Variants in ARHGAP39 observed in about 807,000 individuals in gnomAD.
The protein encoded by ARHGAP39 is Rho GTPase activating protein 39, also known as rho GTPase-activating protein 39.
A neutral mutation model predicts 106.9 loss-of-function variants in ARHGAP39; 44 were observed. The ratio of observed to expected loss-of-function variants is 0.41; its 90% CI spans 0.32 to 0.53. The LOEUF (loss-of-function observed/expected upper bound fraction) is 0.53, where lower values mean the gene tolerates loss of function less well. Among genes scored for constraint, ARHGAP39 ranks in the 20% least tolerant of loss-of-function variants. The pLI is 0.21. For missense variants in ARHGAP39, 1,496 were observed against 1,577.3 expected (o/e 0.95, Z 0.87); for synonymous variants, 768 against 693.2 (o/e 1.11, Z -1.69).
intron 1 of ARHGAP39, among the ~76,000 whole-genome samples, chr8:144,668,200 G>A (rs915286947): frequency 2.0e-5 from 3 of 152,166 alleles, no homozygotes; most frequent in Admixed American, 6.6e-5. Context: ...CCAGCACTTC[G>A]GGAGGCCAAG....
At chr8:144,554,143 C>T (rs527895488) in intron 4 of ARHGAP39, among the ~76,000 whole-genome samples, 2 of 152,308 alleles carry the variant, frequency 1.3e-5, no homozygotes, top group South Asian at 2.1e-4. Context: ...TGGAGGGTTG[C>T]GGGGGCTGCG....
chr8:144,667,496 AG>A (rs1821993393), intron 1 of ARHGAP39, among the ~76,000 whole-genome samples: 1 of 152,050 alleles, frequency 6.6e-6, no homozygotes, highest in Non-Finnish European at 1.5e-5. Flanking sequence ...CTGCCCTGGG[AG>A]AACATAAGCT....
chr8:144,692,612 T>C, the ARHGAP39 span, among the ~76,000 whole-genome samples: 1 of 152,162 alleles, frequency 6.6e-6, no homozygotes, highest in Non-Finnish European at 1.5e-5. Flanking sequence ...ATACAGGGAC[T>C]GTGTGGCTCA....
At chr8:144,613,171 C>G (rs997315954) in intron 1 of ARHGAP39, among the ~76,000 whole-genome samples, 2 of 152,168 alleles carry the variant, frequency 1.3e-5, no homozygotes, top group East Asian at 3.8e-4. Context: ...TTATTTTTGC[C>G]ATTTTTGTCA....
At chr8:144,580,345 A>G (rs1818925633) in intron 3 of ARHGAP39, among the ~76,000 whole-genome samples, 1 of 152,156 alleles carries the variant, frequency 6.6e-6, no homozygotes, top group South Asian at 2.1e-4. Flanking sequence ...CCATCAGCAG[A>G]GAGAGCTGGG....
chr8:144,560,306 G>A (rs537226233), intron 3 of ARHGAP39, among the ~76,000 whole-genome samples: 24 of 152,266 alleles, frequency 1.6e-4, no homozygotes, highest in Non-Finnish European at 2.6e-4. Flanking sequence ...GTGGTGGCGC[G>A]TGCCTATAAT....
intron 3 of ARHGAP39, among the ~76,000 whole-genome samples, chr8:144,556,624 T>A (rs1409606170): frequency 6.6e-6 from 1 of 151,118 alleles, no homozygotes; most frequent in African/African-American, 2.4e-5. Flanking sequence ...TTCATAGTAT[T>A]CAGAGGCAAA....
At chr8:144,535,452 G>A (rs1739379045) in intron 7 of ARHGAP39, among the ~76,000 whole-genome samples, 1 of 152,256 alleles carries the variant, frequency 6.6e-6, no homozygotes, top group Non-Finnish European at 1.5e-5. Context: ...CCTCTGGGCA[G>A]GCTATGAGGT....
rs542804365 is a variant in ARHGAP39, at chr8:144,670,985, A to C, written c.-82+14701T>G. Among the ~76,000 whole-genome samples, 25 of 152,282 alleles carry C rather than the reference A, an allele frequency of 1.6e-4. 3 individuals are homozygous for C. The South Asian group carries it at 4.8e-3, about 29-fold the overall frequency. On this transcript the variant is annotated intron_variant, in intron 1 of 11. Coordinates refer to ENST00000377307, the MANE Select transcript of ARHGAP39 (RefSeq NM_025251.3). The surrounding 1 kb of genome is among the most constrained non-coding windows in gnomAD (Gnocchi z 4.4). ...TGGTGCTGCTCCCTCCTCCCACACC[A>C]GAGACCCCCACCACACACATGTGCT...
At chr8:144,545,962 G>T in intron 5 of ARHGAP39, 152 bp from the exon 6 acceptor site, 1 of 657,070 alleles carries the variant, frequency 1.5e-6, no homozygotes, top group Non-Finnish European at 2.5e-6. Flanking sequence ...GCTGTCTGAG[G>T]TGGGAGGCCC....
At position 144,672,591 on chromosome 8, in the gene ARHGAP39, C is replaced by T. The variant is rs547276665; in HGVS notation, c.-82+13095G>A. Reference sequence around the variant, plus strand: ...GAGACAGCAGTGCTCCCACGCCTCACATCTGTCTACACCACCATCAACTGT... The same window carrying T: ...GAGACAGCAGTGCTCCCACGCCTCATATCTGTCTACACCACCATCAACTGT... On this transcript the variant is annotated intron_variant, in intron 1 of 11. Transcript: ENST00000377307. 1.7e-4 allele frequency among the ~76,000 whole-genome samples: 26 copies of T among 152,342 alleles called. 1 individual carries two copies. Among genetic ancestry groups the T allele is most frequent in the African/African-American group, 6.3e-4 (26 of 41,578 alleles).
chr8:144,553,101 A>G (rs891631985), intron 4 of ARHGAP39, among the ~76,000 whole-genome samples: 2 of 152,154 alleles, frequency 1.3e-5, no homozygotes, highest in African/African-American at 4.8e-5. Context: ...CTAGGCCTCC[A>G]GCATGTCCAG....
chr8:144,673,310 G>A (rs778581356), intron 1 of ARHGAP39, among the ~76,000 whole-genome samples: 11 of 151,838 alleles, frequency 7.2e-5, no homozygotes, highest in Non-Finnish European at 1.0e-4. Context: ...GGCCCTCTGC[G>A]GGCATGCAGC....
chr8:144,643,630 C>T (rs1438458715), intron 1 of ARHGAP39, among the ~76,000 whole-genome samples: 1 of 152,148 alleles, frequency 6.6e-6, no homozygotes, highest in Non-Finnish European at 1.5e-5. Context: ...TCTATGCCTC[C>T]ACTCGACTGA....
chr8:144,571,330 C>T (rs1008451317), intron 3 of ARHGAP39, among the ~76,000 whole-genome samples: 10 of 152,152 alleles, frequency 6.6e-5, no homozygotes, highest in Admixed American at 2.0e-4. Flanking sequence ...GTTCAACATA[C>T]GCAAATCAAC....
chr8:144,587,110 C>T (rs1004694069), intron 2 of ARHGAP39, among the ~76,000 whole-genome samples: 2 of 152,230 alleles, frequency 1.3e-5, no homozygotes, highest in Admixed American at 1.3e-4. Context: ...TTGTTTCATC[C>T]CCTTCCACCA....
intron 3 of ARHGAP39, among the ~76,000 whole-genome samples, chr8:144,578,744 G>A (rs980200041): frequency 4.6e-5 from 7 of 152,034 alleles, no homozygotes; most frequent in African/African-American, 1.7e-4. Context: ...CCAGATACTT[G>A]GGGGTCTGAG....
chr8:144,680,605 A>G (rs1822385654), intron 1 of ARHGAP39, among the ~76,000 whole-genome samples: 2 of 152,186 alleles, frequency 1.3e-5, no homozygotes, highest in African/African-American at 4.8e-5. Context: ...CATAAATTAG[A>G]TGTTCGATTT....
Position 144,584,719 on chromosome 8 carries a change from C to T in ARHGAP39, c.81-3442G>A, listed in dbSNP as rs1404194259. Among the ~76,000 whole-genome samples, 7 of 152,178 alleles carry T rather than the reference C, an allele frequency of 4.6e-5. No homozygotes were observed. The East Asian group carries it at 9.6e-4, about 21-fold the overall frequency. The stretch of plus-strand genomic sequence containing the variant: ...CAGAGGTTGCAGGCAGCTGAGATCA[C>T]GCCACTGCACTCAGGCCTGGGTGAC... On this transcript the variant is annotated intron_variant, in intron 2 of 11. Transcript: ENST00000377307.
Sources: allele counts gnomAD v4.1 joint callset (sites outside exome capture counted in the v4.1 genomes callset), GRCh38; gene constraint gnomAD v4.1.1; non-coding constraint Gnocchi (gnomAD v3.1); transcripts MANE v1.5; gene names NCBI Gene and HGNC (gene_info 2026-07-23, HGNC 2026-07-21).